Variants in ST7 observed in about 807,000 individuals in gnomAD.
The protein encoded by ST7 is suppression of tumorigenicity 7.
Under a neutral mutation model 78.7 loss-of-function variants are expected in ST7, and 28 were observed. That is an observed-to-expected ratio of 0.36 (90% confidence interval 0.26 to 0.49). The LOEUF (loss-of-function observed/expected upper bound fraction) is 0.49. Among genes scored for constraint, ST7 ranks in the 20% least tolerant of loss-of-function variants. ST7 has a pLI of 0.99. For missense variants in ST7, 418 were observed against 696.0 expected (o/e 0.60, Z 4.49); for synonymous variants, 247 against 249.6 (o/e 0.99, Z 0.10).
chr7:116,997,983 T>C (rs1292405010), intron 1 of ST7, among the ~76,000 whole-genome samples: 2 of 152,244 alleles, frequency 1.3e-5, no homozygotes, highest in African/African-American at 4.8e-5. Context: ...GCTAGTCCCA[T>C]GCCGTGTGCC....
intron 1 of ST7, among the ~76,000 whole-genome samples, chr7:117,000,353 G>A (rs1402475897): frequency 6.6e-6 from 1 of 152,206 alleles, no homozygotes; most frequent in Non-Finnish European, 1.5e-5. Flanking sequence ...TGTGGCTAGT[G>A]TGACTGAGGA....
chr7:116,962,147 T>A (rs1585047373), intron 1 of ST7, among the ~76,000 whole-genome samples: 1 of 152,202 alleles, frequency 6.6e-6, no homozygotes. Flanking sequence ...TAGTATTCCA[T>A]GGTGTACGTG....
chr7:117,099,377 A>C (rs188119582), intron 1 of ST7, among the ~76,000 whole-genome samples: 25 of 152,178 alleles, frequency 1.6e-4, no homozygotes, highest in African/African-American at 5.5e-4. Flanking sequence ...TTGTTGATGC[A>C]TCAGGGACTC....
chr7:117,040,554 C>T (rs912828664), intron 1 of ST7, among the ~76,000 whole-genome samples: 10 of 152,164 alleles, frequency 6.6e-5, no homozygotes, highest in African/African-American at 2.2e-4. Context: ...AGTAAATACC[C>T]TCTCTGGGCA....
chr7:117,094,640 C>T (rs1449974510), intron 1 of ST7, among the ~76,000 whole-genome samples: 2 of 152,118 alleles, frequency 1.3e-5, no homozygotes, highest in Non-Finnish European at 2.9e-5. Flanking sequence ...ATCTCAGCCT[C>T]AGAGCAGTTC....
At chr7:117,078,085 C>G (rs1248504522) in intron 1 of ST7, among the ~76,000 whole-genome samples, 1 of 152,054 alleles carries the variant, frequency 6.6e-6, no homozygotes, top group East Asian at 1.9e-4. Flanking sequence ...GAAAAATTGA[C>G]CCAGAGACAT....
intron 1 of ST7, among the ~76,000 whole-genome samples, chr7:117,039,962 G>A (rs1038559721): frequency 2.0e-5 from 3 of 152,212 alleles, no homozygotes; most frequent in African/African-American, 7.2e-5. Flanking sequence ...AGCCCAAGAA[G>A]AGCCATCATG....
At chr7:117,068,099 T>C (rs1223029122) in intron 1 of ST7, among the ~76,000 whole-genome samples, 1 of 152,226 alleles carries the variant, frequency 6.6e-6, no homozygotes, top group Non-Finnish European at 1.5e-5. Context: ...ACCTCAGTTA[T>C]GCTATAAAGA....
chr7:117,190,993 G>T lies in ST7; in HGVS notation c.1254+57G>T. 2 of 1,371,910 alleles carry T rather than the reference G, an allele frequency of 1.5e-6. No homozygotes were observed. The highest frequency in any genetic ancestry group is 2.3e-5 in the South Asian group (2 of 85,580). 85.0% of individuals were successfully genotyped at this position (1,371,910 alleles called of 1,614,324 possible). ...TATGATAGCAGAGAAAGCATTCATT[G>T]ACCACAGTGTTGTATCTCAAGTACA... On this transcript the variant is annotated intron_variant, in intron 12 of 15. Transcript: ENST00000323984. This position sits in a 1 kb window ranked among gnomAD's most constrained non-coding sequence, Gnocchi z 5.2.
intron 12 of ST7, among the ~76,000 whole-genome samples, chr7:117,200,818 CTTTTT>C (rs5886845): frequency 2.8e-5 from 4 of 141,704 alleles, no homozygotes; most frequent in South Asian, 4.4e-4. Context: ...AAAATGTACT[CTTTTT>C]TTTTTTTTTT....
At chr7:117,084,690 G>T (rs895347020) in intron 1 of ST7, among the ~76,000 whole-genome samples, 1 of 152,132 alleles carries the variant, frequency 6.6e-6, no homozygotes. Context: ...CCCATTGCTG[G>T]TTGTTTTATG....
At chr7:117,129,726 C>A in intron 3 of ST7, 67 bp from the exon 4 acceptor site, 1 of 1,235,878 alleles carries the variant, frequency 8.1e-7, no homozygotes, top group Non-Finnish European at 1.2e-6. Flanking sequence ...GGGTGTTTTG[C>A]TGAATTAATT....
chr7:117,072,898 C>T (rs1328874132), intron 1 of ST7: 4 of 152,146 alleles, frequency 2.6e-5, no homozygotes, highest in Non-Finnish European at 5.9e-5. Context: ...AGATTAAGTC[C>T]AAAGTGGCAC....
At chr7:117,207,292 CA>C (rs1199211186) in intron 12 of ST7, among the ~76,000 whole-genome samples, 1 of 152,068 alleles carries the variant, frequency 6.6e-6, no homozygotes, top group Non-Finnish European at 1.5e-5. Context: ...TGTAGGCACC[CA>C]CCACCACGCC....
At chr7:117,002,002 G>C (rs1018013839) in intron 1 of ST7, among the ~76,000 whole-genome samples, 10 of 152,070 alleles carry the variant, frequency 6.6e-5, no homozygotes, top group African/African-American at 2.2e-4. Context: ...GAGGCGGACG[G>C]ATCACGAGGT....
intron 1 of ST7, among the ~76,000 whole-genome samples, chr7:117,045,259 C>T (rs1797435244): frequency 1.3e-5 from 2 of 152,102 alleles, no homozygotes; most frequent in Non-Finnish European, 2.9e-5. Flanking sequence ...TGCTTAAACC[C>T]TCCAGTAGTT....
intron 13 of ST7, among the ~76,000 whole-genome samples, chr7:117,210,556 C>T (rs1792199879): frequency 6.6e-6 from 1 of 152,110 alleles, no homozygotes; most frequent in South Asian, 2.1e-4. Context: ...GAGACATGCT[C>T]CCTGCATGTC....
At chr7:117,187,088 T>A (rs38880) in intron 10 of ST7, among the ~76,000 whole-genome samples, 19,215 of 152,218 alleles carry the variant, frequency 0.13, 2,287 homozygotes, top group African/African-American at 0.31. Flanking sequence ...GATCCGTTTC[T>A]TTAGAGTGAT....
intron 1 of ST7, among the ~76,000 whole-genome samples, chr7:116,998,046 C>T (rs1054883549): frequency 2.0e-5 from 3 of 152,174 alleles, no homozygotes; most frequent in African/African-American, 4.8e-5. Context: ...TGGAGCGGGG[C>T]GCGGTGCTTG....
Sources: allele counts gnomAD v4.1 joint callset (sites outside exome capture counted in the v4.1 genomes callset), GRCh38; gene constraint gnomAD v4.1.1; non-coding constraint Gnocchi (gnomAD v3.1); transcripts MANE v1.5; gene names NCBI Gene and HGNC (gene_info 2026-07-23, HGNC 2026-07-21).